The following SCYL2 variants were observed in gnomAD, a reference collection of about 807,000 sequenced individuals.
SCYL2 encodes SCY1 like pseudokinase 2, also known as SCY1-like protein 2.
Under a neutral mutation model 100.4 loss-of-function variants are expected in SCYL2, and 36 were observed. The ratio of observed to expected loss-of-function variants is 0.36; its 90% confidence interval spans 0.27 to 0.47. The LOEUF is 0.47. Ranked by LOEUF, SCYL2 falls within the 20% of genes least tolerant of loss-of-function variation. SCYL2 has a pLI of 1.00. For synonymous variants in SCYL2, 330 were observed against 359.2 expected (o/e 0.92, Z 0.92); for missense variants, 902 against 1,083.9 (o/e 0.83, Z 2.36).
chr12:100,315,757 T>C, intron 9 of SCYL2, 23 bp downstream of exon 9: 8 of 1,557,124 alleles, frequency 5.1e-6, no homozygotes, highest in Non-Finnish European at 7.0e-6. Flanking sequence ...TATTTTTGTG[T>C]ATTTATCTAC....
chr12:100,298,010 A>G (rs777273401), intron 3 of SCYL2, 21 bp from the exon 4 acceptor site: 13 of 1,585,284 alleles, frequency 8.2e-6, no homozygotes, highest in Non-Finnish European at 1.1e-5. Context: ...ATAGTAAATA[A>G]CTTTTTCTTT....
chr12:100,295,024 C>T (rs1459337938), intron 3 of SCYL2, among the ~76,000 whole-genome samples: 25 of 124,560 alleles, frequency 2.0e-4, no homozygotes, highest in Admixed American at 1.7e-3. Flanking sequence ...CAGACGGGGT[C>T]GCGGCCGGGC....
chr12:100,338,459 T>C, intron 17 of SCYL2, 69 bp from the exon 18 acceptor site: 1 of 1,289,652 alleles, frequency 7.8e-7, no homozygotes, highest in Non-Finnish European at 1.1e-6. Context: ...ATTTAATCTG[T>C]CAAATGTTTA....
chr12:100,276,246 C>A (rs183505793), intron 1 of SCYL2, among the ~76,000 whole-genome samples: 1 of 152,050 alleles, frequency 6.6e-6, no homozygotes. Context: ...GATGATATAC[C>A]CTATTCATTT....
intron 3 of SCYL2, among the ~76,000 whole-genome samples, chr12:100,294,999 A>T (rs1010049205): frequency 6.9e-6 from 1 of 144,250 alleles, no homozygotes; most frequent in African/African-American, 2.6e-5. Flanking sequence ...CCGGGCAGAG[A>T]CGCTCCTCAC....
intron 13 of SCYL2, among the ~76,000 whole-genome samples, chr12:100,330,355 C>G (rs1952193560): frequency 6.6e-6 from 1 of 152,136 alleles, no homozygotes; most frequent in Non-Finnish European, 1.5e-5. Context: ...TCTCTGCATA[C>G]CTCTATCGCT....
chr12:100,310,248 G>C (rs2096340556), intron 4 of SCYL2, among the ~76,000 whole-genome samples: 1 of 152,072 alleles, frequency 6.6e-6, no homozygotes, highest in Admixed American at 6.6e-5. Flanking sequence ...CGCCTGCCTC[G>C]GCCTCCCAAA....
At chr12:100,308,097 A>G (rs1439354643) in intron 4 of SCYL2, among the ~76,000 whole-genome samples, 1 of 152,186 alleles carries the variant, frequency 6.6e-6, no homozygotes, top group Non-Finnish European at 1.5e-5. Context: ...TCAAGGATCT[A>G]GAACCAAAAA....
At chr12:100,281,031 T>TTG (rs2096297755) in intron 1 of SCYL2, among the ~76,000 whole-genome samples, 8 of 133,742 alleles carry the variant, frequency 6.0e-5, no homozygotes, top group African/African-American at 2.3e-4. Context: ...TTTTTTTTTT[T>TTG]TTTTTTTTTT....
intron 10 of SCYL2, among the ~76,000 whole-genome samples, chr12:100,318,831 T>A (rs2096352417): frequency 6.6e-6 from 1 of 152,218 alleles, no homozygotes; most frequent in Admixed American, 6.5e-5. Flanking sequence ...TAACTTTTGT[T>A]CCACAAAGGC....
At chr12:100,319,334 A>G (rs907499724) in intron 10 of SCYL2, 3 of 450,544 alleles carry the variant, frequency 6.7e-6, no homozygotes, top group Non-Finnish European at 1.3e-5. Context: ...ATTGTGAATT[A>G]TAGCCTCACA....
At chr12:100,313,662 A>G in intron 7 of SCYL2, 124 bp downstream of exon 7, 5 of 598,038 alleles carry the variant, frequency 8.4e-6, no homozygotes, top group South Asian at 2.1e-5. Flanking sequence ...AAGTTCTTCT[A>G]AAGCAACAGT....
chr12:100,330,830 C>CTTTTTTTT (rs71088179), intron 13 of SCYL2, among the ~76,000 whole-genome samples: 1 of 134,106 alleles, frequency 7.5e-6, no homozygotes, highest in Non-Finnish European at 1.6e-5. Context: ...AATTTTTTTT[C>CTTTTTTTT]TTTTTTTTTT....
At position 100,338,001 on chromosome 12, in the gene SCYL2, G is replaced by A. The variant is rs137898868; in HGVS notation, c.2145+495G>A. Among the ~76,000 whole-genome samples the A allele has an allele frequency of 3.6e-3, 541 of 152,270 alleles. 6 individuals carry two copies. Among genetic ancestry groups the A allele is most frequent in the African/African-American group, 0.012 (498 of 41,562 alleles). ...TGAATAAGGGCCCTGCTTGTAGAGAGTTTACACTGTTACTGGTTTCAGAGA... is the reference window on the plus strand; with the variant it reads ...TGAATAAGGGCCCTGCTTGTAGAGAATTTACACTGTTACTGGTTTCAGAGA... On this transcript the variant is annotated intron_variant, in intron 17 of 17. Coordinates refer to ENST00000360820, the MANE Select transcript of SCYL2 (RefSeq NM_017988.6).
At chr12:100,294,373 G>A (rs1390373184) in intron 3 of SCYL2, among the ~76,000 whole-genome samples, 73 of 97,204 alleles carry the variant, frequency 7.5e-4, no homozygotes, top group Admixed American at 1.3e-3. Flanking sequence ...GCGGCTGGCC[G>A]GGCGGGGGGC....
Position 100,268,497 on chromosome 12 carries a change from A to G in SCYL2, c.-29+705A>G, listed in dbSNP as rs189075076. Among the ~76,000 whole-genome samples the G allele has an allele frequency of 7.9e-5, 12 of 152,342 alleles. No homozygotes were observed. In the East Asian group the frequency reaches 2.1e-3, roughly 27 times the overall value. On this transcript the variant is annotated intron_variant, in intron 1 of 17. Transcript: ENST00000360820. ...AGTATATAAATTACTTCTTGAGGCA[A>G]CATTAAACTGTAATCATAAAGAATG...
At chr12:100,321,694 A>G (rs1277055118) in intron 10 of SCYL2, among the ~76,000 whole-genome samples, 6 of 152,194 alleles carry the variant, frequency 3.9e-5, no homozygotes, top group African/African-American at 1.4e-4. Context: ...ATTTTCATAT[A>G]TATCCTTCTA....
intron 5 of SCYL2, 113 bp downstream of exon 5, chr12:100,311,306 A>G (rs545503286): frequency 3.0e-6 from 3 of 1,015,752 alleles, no homozygotes; most frequent in Middle Eastern, 2.3e-4. Flanking sequence ...ATACAGCTTT[A>G]TAGAAAATTT....
chr12:100,305,351 C>G (rs2096332979), intron 4 of SCYL2, among the ~76,000 whole-genome samples: 1 of 152,218 alleles, frequency 6.6e-6, no homozygotes, highest in Admixed American at 6.5e-5. Context: ...TTAAGAAACT[C>G]ACTCAAAACC....
Sources: allele counts gnomAD v4.1 joint callset (sites outside exome capture counted in the v4.1 genomes callset), GRCh38; gene constraint gnomAD v4.1.1; transcripts MANE v1.5; gene names NCBI Gene and HGNC (gene_info 2026-07-23, HGNC 2026-07-21).